IRF2: variants seen among roughly 807,000 people sequenced by gnomAD.
IRF2 encodes the protein interferon regulatory factor 2.
In IRF2, 15 loss-of-function variants were observed where a neutral mutation model predicts 40.6. The observed-to-expected ratio is 0.37, with a 90% CI of 0.25 to 0.57. The LOEUF (loss-of-function observed/expected upper bound fraction) is 0.57. IRF2 is among the 20% of genes least tolerant of loss of function. The pLI is 0.77. For synonymous variants in IRF2, 151 were observed against 165.5 expected, an observed-to-expected ratio of 0.91 and a Z score of 0.67; for missense variants, 317 against 455.7, an observed-to-expected ratio of 0.70 and a Z score of 2.77.
At chr4:184,449,656 G>A (rs1007740764) in intron 1 of IRF2, among the ~76,000 whole-genome samples, 20 of 152,338 alleles carry the variant, frequency 1.3e-4, no homozygotes, top group African/African-American at 2.9e-4. Context: ...GCACCAATGC[G>A]TGGGAAATGC....
intron 1 of IRF2, among the ~76,000 whole-genome samples, chr4:184,452,679 G>GAGGTTCATTT (rs1738758059): frequency 6.8e-6 from 1 of 147,814 alleles, no homozygotes; most frequent in African/African-American, 2.5e-5. Flanking sequence ...GCCGAAGCAG[G>GAGGTTCATTT]AGGTTCATTT....
rs574440951 is a variant in IRF2 at position 184,467,047 on chromosome 4, C to T, written c.-7+7332G>A. ...ACCCTAAGGTGACTTCAGCCATGTC[C>T]AAGTGACAACTACTCACAACTTCAT... On this transcript the variant is annotated intron_variant, in intron 1 of 8. Coordinates refer to ENST00000393593, the MANE Select transcript of IRF2 (RefSeq NM_002199.4). 5.9e-5 allele frequency among the ~76,000 whole-genome samples: 9 copies of T among 152,276 alleles called. No homozygotes were observed. In the South Asian group the frequency reaches 1.9e-3, roughly 32 times the overall value.
rs569951420 is a variant in IRF2, at chr4:184,423,992, T to C, written c.88-4424A>G. 3.3e-5 allele frequency among the ~76,000 whole-genome samples: 5 copies of C among 152,286 alleles called. No homozygotes were observed. In the South Asian group the frequency reaches 1.0e-3, roughly 32 times the overall value. On this transcript the variant is annotated intron_variant, in intron 2 of 8. Transcript: ENST00000393593. ...TTAACAATGGTATATTGTGGATATA[T>C]AAGAAAATGCCCTTATGTCTTACAA...
At chr4:184,417,569 G>A (rs984424892) in intron 5 of IRF2, among the ~76,000 whole-genome samples, 2 of 152,216 alleles carry the variant, frequency 1.3e-5, no homozygotes, top group African/African-American at 2.4e-5. Context: ...CTGTAGGGGA[G>A]TTCAGACGAC....
At chr4:184,447,955 G>C (rs72703792) in intron 1 of IRF2, among the ~76,000 whole-genome samples, 1 of 152,142 alleles carries the variant, frequency 6.6e-6, no homozygotes, top group African/African-American at 2.4e-5. Flanking sequence ...CTCACACAGC[G>C]GTGCTAGTTT....
chr4:184,389,062 C>T lies in IRF2; in HGVS notation c.746G>A (p.Arg249Gln), dbSNP rs754089440. 8.1e-6 allele frequency: 13 copies of T among 1,613,908 alleles called. No individual in the cohort carries two copies. The highest frequency in any genetic ancestry group is 2.2e-5 in the South Asian group (2 of 91,058). ...VPSDEESAEG[R>Q]PHWRKRNIEG... ...AATATTCCTCTTCCGCCAGTGTGGC[C>T]GCCCCTTTCAAGAAAGTAATTAAGA... The change falls in exon 9 of 9, where the codon CGG (arginine) becomes CAG (glutamine). Residue 249 changes from arginine to glutamine, a missense_variant. Physicochemically the swap from Arg to Gln is conservative, Grantham distance 43. Coordinates refer to ENST00000393593, the MANE Select transcript of IRF2 (RefSeq NM_002199.4).
chr4:184,403,558 A>G (rs1037559311), intron 6 of IRF2, among the ~76,000 whole-genome samples: 1 of 152,206 alleles, frequency 6.6e-6, no homozygotes, highest in African/African-American at 2.4e-5. Flanking sequence ...TGCTGAAACA[A>G]CCATACAAGA....
At chr4:184,404,502 A>G (rs981048810) in intron 6 of IRF2, among the ~76,000 whole-genome samples, 1 of 152,186 alleles carries the variant, frequency 6.6e-6, no homozygotes, top group Non-Finnish European at 1.5e-5. Flanking sequence ...CAGTACGATT[A>G]TTTCCATTTT....
At chr4:184,457,373 G>A (rs139929560) in intron 1 of IRF2, among the ~76,000 whole-genome samples, 7 of 152,292 alleles carry the variant, frequency 4.6e-5, no homozygotes, top group African/African-American at 1.7e-4. Context: ...GACGTCACTC[G>A]GAAGACCTGG....
At chr4:184,391,127 C>T (rs1736246188) in intron 7 of IRF2, among the ~76,000 whole-genome samples, 1 of 152,238 alleles carries the variant, frequency 6.6e-6, no homozygotes, top group Non-Finnish European at 1.5e-5. Context: ...TGACCGTTTC[C>T]AAAAGGTCTT....
At chr4:184,399,874 T>G (rs1441510772) in intron 6 of IRF2, among the ~76,000 whole-genome samples, 3 of 152,234 alleles carry the variant, frequency 2.0e-5, no homozygotes, top group Non-Finnish European at 4.4e-5. Context: ...TTGTTTATTT[T>G]GAGATCATTG....
intron 1 of IRF2, among the ~76,000 whole-genome samples, chr4:184,470,156 G>A (rs780524857): frequency 1.3e-5 from 2 of 152,138 alleles, no homozygotes; most frequent in Non-Finnish European, 2.9e-5. Context: ...CGAAGGTCCT[G>A]ACCTCCTACC....
intron 1 of IRF2, among the ~76,000 whole-genome samples, chr4:184,446,055 A>G (rs977667142): frequency 3.9e-5 from 6 of 152,206 alleles, no homozygotes; most frequent in Non-Finnish European, 1.5e-5. Flanking sequence ...ACTCCTCCAT[A>G]AGCCAAAGAA....
intron 8 of IRF2, 73 bp from the exon 9 acceptor site, chr4:184,389,139 G>A (rs1736160019): frequency 6.9e-7 from 1 of 1,451,972 alleles, no homozygotes; most frequent in Non-Finnish European, 9.6e-7. Flanking sequence ...TGCATCACTG[G>A]CCAGGTGTGG....
intron 1 of IRF2, among the ~76,000 whole-genome samples, chr4:184,469,115 A>G (rs1739430361): frequency 1.3e-5 from 2 of 152,242 alleles, no homozygotes; most frequent in Admixed American, 1.3e-4. Context: ...TACATTTAAC[A>G]AAATCAATTA....
intron 1 of IRF2, among the ~76,000 whole-genome samples, chr4:184,443,789 GAC>G (rs1380599664): frequency 4.6e-5 from 7 of 152,134 alleles, no homozygotes; most frequent in African/African-American, 1.7e-4. Context: ...AAATCCAGGA[GAC>G]AGTTTTAAAT....
At chr4:184,464,137 C>T (rs923639643) in intron 1 of IRF2, among the ~76,000 whole-genome samples, 1 of 151,630 alleles carries the variant, frequency 6.6e-6, no homozygotes, top group Admixed American at 6.6e-5. Context: ...AAGACAGCGA[C>T]CATTTAGGAC....
At chr4:184,440,254 G>A (rs796491184) in intron 1 of IRF2, among the ~76,000 whole-genome samples, 68 of 152,212 alleles carry the variant, frequency 4.5e-4, no homozygotes, top group African/African-American at 1.4e-3. Flanking sequence ...ATGCTCCCGC[G>A]GCAGCCTGTT....
intron 8 of IRF2, among the ~76,000 whole-genome samples, chr4:184,389,425 C>A (rs1307604275): frequency 1.3e-5 from 2 of 152,112 alleles, no homozygotes; most frequent in East Asian, 3.9e-4. Context: ...CTCAAAACAA[C>A]AACCCACAAA....
Sources: gnomAD v4.1 joint callset for allele counts (sites outside exome capture counted in the v4.1 genomes callset) on GRCh38, gnomAD v4.1.1 for gene constraint, MANE v1.5 for transcripts, NCBI Gene and HGNC (gene_info 2026-07-23, HGNC 2026-07-21) for gene names.